The following BANF2 variants were observed in gnomAD, a reference collection of about 807,000 sequenced individuals.
BANF2 encodes BANF family member 2.
A neutral mutation model predicts 8.0 loss-of-function variants in BANF2; 4 were observed. That is an observed-to-expected ratio of 0.50 (90% CI 0.25 to 1.14). BANF2 has a LOEUF of 1.14. BANF2 is among the 50% of genes most tolerant of loss of function. The pLI, the probability that BANF2 is intolerant of heterozygous loss-of-function variation, is 0.16. For synonymous variants in BANF2, 50 were observed against 40.6 expected (o/e 1.23, Z -0.88); for missense variants, 96 against 107.5 (o/e 0.89, Z 0.47).
At chr20:17,727,040 T>C (rs2037818547) in intron 3 of BANF2, among the ~76,000 whole-genome samples, 1 of 152,192 alleles carries the variant, frequency 6.6e-6, no homozygotes, top group South Asian at 2.1e-4. Flanking sequence ...CTTTTCCAGT[T>C]TAAGTCTGTG....
At chr20:17,695,847 C>T (rs1600207326), upstream of BANF2, among the ~76,000 whole-genome samples, 1 of 152,208 alleles carries the variant, frequency 6.6e-6, no homozygotes, top group Non-Finnish European at 1.5e-5. Context: ...ATCCCCCACT[C>T]CAGGCAATCA....
chr20:17,706,676 G>A (rs1448918961), intron 1 of BANF2, among the ~76,000 whole-genome samples: 1 of 152,198 alleles, frequency 6.6e-6, no homozygotes, highest in Non-Finnish European at 1.5e-5. Flanking sequence ...CAAGTAAAGG[G>A]TAAAGCCAAG....
At chr20:17,727,188 T>G (rs531747301) in intron 3 of BANF2, among the ~76,000 whole-genome samples, 10 of 152,318 alleles carry the variant, frequency 6.6e-5, no homozygotes, top group African/African-American at 2.2e-4. Flanking sequence ...ACGGTTTGTC[T>G]GTGTGCAGCC....
chr20:17,699,015 G>A (rs1278903774), upstream of BANF2, among the ~76,000 whole-genome samples: 1 of 152,210 alleles, frequency 6.6e-6, no homozygotes, highest in African/African-American at 2.4e-5. Context: ...GAACGTGTAA[G>A]AAATGTGAAT....
intron 1 of BANF2, among the ~76,000 whole-genome samples, chr20:17,714,011 G>T (rs931231462): frequency 6.6e-6 from 1 of 151,878 alleles, no homozygotes; most frequent in African/African-American, 2.4e-5. Flanking sequence ...TTCAAGACCA[G>T]CCTGGCCAAC....
At chr20:17,717,044 A>G (rs545219105) in intron 1 of BANF2, among the ~76,000 whole-genome samples, 10 of 152,132 alleles carry the variant, frequency 6.6e-5, no homozygotes, top group Admixed American at 3.3e-4. Context: ...TTCTTTCTCT[A>G]TGAAACACTG....
intron 3 of BANF2, among the ~76,000 whole-genome samples, chr20:17,726,982 A>C (rs923521403): frequency 1.3e-5 from 2 of 152,098 alleles, no homozygotes; most frequent in Non-Finnish European, 2.9e-5. Flanking sequence ...CTTCATATTC[A>C]CCAGCCTCAG....
intron 1 of BANF2, among the ~76,000 whole-genome samples, chr20:17,706,300 C>T (rs2180824): frequency 0.32 from 48,488 of 151,998 alleles, 8,844 homozygotes; most frequent in African/African-American, 0.5. Flanking sequence ...CCCTCATTCA[C>T]CTGGGCACTT....
intron 1 of BANF2, among the ~76,000 whole-genome samples, chr20:17,714,650 G>C (rs763417087): frequency 2.4e-4 from 36 of 152,098 alleles, no homozygotes; most frequent in Non-Finnish European, 4.6e-4. Flanking sequence ...GAATTGCTGG[G>C]GCCAGAAGTT....
At chr20:17,699,894 AC>A, upstream of BANF2, 1 of 794,370 alleles carries the variant, frequency 1.3e-6, no homozygotes, top group Non-Finnish European at 1.5e-6. Flanking sequence ...TTTTGTGCTC[AC>A]CCCCGACCTG....
intron 3 of BANF2, among the ~76,000 whole-genome samples, chr20:17,727,662 G>A (rs891828429): frequency 1.3e-5 from 2 of 152,006 alleles, no homozygotes; most frequent in African/African-American, 4.8e-5. Flanking sequence ...CAGCATCCTG[G>A]GCGGGCAGAT....
intron 3 of BANF2, 55 bp from the exon 4 acceptor site, chr20:17,735,610 G>A (rs2037965708): frequency 1.3e-6 from 2 of 1,568,972 alleles, no homozygotes; most frequent in African/African-American, 2.7e-5. Flanking sequence ...GAGCGCGTCT[G>A]AGCTGGCTTA....
intron 3 of BANF2, among the ~76,000 whole-genome samples, chr20:17,725,715 C>T (rs1827574499): frequency 6.6e-6 from 1 of 152,162 alleles, no homozygotes; most frequent in Admixed American, 6.5e-5. Flanking sequence ...TGCTTAGGGC[C>T]TCAGGAGAGG....
chr20:17,733,250 T>C (rs2037928206), intron 3 of BANF2, among the ~76,000 whole-genome samples: 2 of 152,116 alleles, frequency 1.3e-5, no homozygotes, highest in South Asian at 4.1e-4. Context: ...CTGTGGACAG[T>C]TGGGAAGTGC....
intron 1 of BANF2, among the ~76,000 whole-genome samples, chr20:17,715,638 C>T (rs769462495): frequency 6.6e-6 from 1 of 152,216 alleles, no homozygotes; most frequent in African/African-American, 2.4e-5. Context: ...AAGCCATGGG[C>T]CTGACCCTGC....
Position 17,694,599 on chromosome 20 carries a change from C to CTTTTTTTTTTTT in BANF2, c.18+894_18+895insTTTTTTTTTTTT, listed in dbSNP as rs1256251082. ...AGGGGGCTATTTTTGTTTTTTCTCT[C>CTTTTTTTTTTTT]TCTTTTTTTTTTTTTTTTTTTTTTT... On this transcript the variant is annotated intron_variant, in intron 1 of 2. Transcript: ENST00000545418. Among the ~76,000 whole-genome samples, 82 of 82,746 alleles carry CTTTTTTTTTTTT rather than the reference C, an allele frequency of 9.9e-4. 2 individuals are homozygous for CTTTTTTTTTTTT. Among genetic ancestry groups the CTTTTTTTTTTTT allele is most frequent in the East Asian group, 2.5e-3 (5 of 1,968 alleles). The allele number at this position is 82,746 out of a possible 152,430, so 54.3% of individuals were successfully genotyped here.
At chr20:17,706,291 C>A (rs1409913658) in intron 1 of BANF2, among the ~76,000 whole-genome samples, 1 of 152,094 alleles carries the variant, frequency 6.6e-6, no homozygotes, top group Non-Finnish European at 1.5e-5. Context: ...CCTTTGAGAC[C>A]CTCATTCACC....
intron 1 of BANF2, among the ~76,000 whole-genome samples, chr20:17,707,659 C>T (rs921928496): frequency 6.6e-6 from 1 of 151,890 alleles, no homozygotes; most frequent in Admixed American, 6.5e-5. Context: ...GGCTCATTGC[C>T]ACATCCACCT....
chr20:17,725,264 G>T, intron 3 of BANF2, 113 bp downstream of exon 3: 1 of 1,350,302 alleles, frequency 7.4e-7, no homozygotes, highest in Non-Finnish European at 1.0e-6. Flanking sequence ...AGAGAGCAAA[G>T]CTGCCGCTTG....
Sources: allele counts gnomAD v4.1 joint callset (sites outside exome capture counted in the v4.1 genomes callset), GRCh38; gene constraint gnomAD v4.1.1; transcripts MANE v1.5; gene names NCBI Gene and HGNC (gene_info 2026-07-23, HGNC 2026-07-21).